ADAMTS20: variants seen among roughly 807,000 people sequenced by gnomAD.
ADAMTS20 encodes the protein A disintegrin and metalloproteinase with thrombospondin motifs 20.
A neutral mutation model predicts 260.1 loss-of-function variants in ADAMTS20; 225 were observed. The observed-to-expected ratio is 0.87, with a 90% CI of 0.78 to 0.97. The LOEUF is 0.97. Among genes scored for constraint, ADAMTS20 ranks in the 50% least tolerant of loss-of-function variants. The probability of loss-of-function intolerance (pLI) is 0.00; values close to 1 mark genes in which losing one functional copy is unlikely to be tolerated. For synonymous variants in ADAMTS20, 802 were observed against 769.5 expected, an observed-to-expected ratio of 1.04 and a Z score of -0.70; for missense variants, 2,400 against 2,337.7, an observed-to-expected ratio of 1.03 and a Z score of -0.55.
chr12:43,491,645 C>T (rs1042890860), intron 6 of ADAMTS20, among the ~76,000 whole-genome samples: 2 of 152,042 alleles, frequency 1.3e-5, no homozygotes, highest in African/African-American at 4.8e-5. Flanking sequence ...TTTATAACAG[C>T]AGAAGCTGTT....
intron 21 of ADAMTS20, 74 bp from the exon 22 acceptor site, chr12:43,431,570 C>A (rs1941444603): frequency 1.3e-6 from 2 of 1,497,894 alleles, no homozygotes; most frequent in African/African-American, 1.4e-5. Flanking sequence ...ATGCAATGAT[C>A]AATTTGCATA....
chr12:43,376,277 C>T lies in ADAMTS20; in HGVS notation c.5179G>A (p.Asp1727Asn). Reference sequence around the variant, plus strand: ...TTAATGTTAAGGTAATAGTCACCATCCTTTCTAATGTGGTTTTTCACTTGA... The same window carrying T: ...TTAATGTTAAGGTAATAGTCACCATTCTTTCTAATGTGGTTTTTCACTTGA... ...EIQVKNHIRK[D>N]GDYYLNIKGR... The change falls in exon 34 of 39, where the codon GAT becomes AAT. Residue 1727 changes from aspartate to asparagine, a missense_variant. Coordinates refer to ENST00000389420, the MANE Select transcript of ADAMTS20 (RefSeq NM_025003.5). 6.4e-7 allele frequency: 1 copy of T among 1,555,924 alleles called. No individual in the cohort carries two copies. The highest frequency in any genetic ancestry group is 8.7e-7 in the Non-Finnish European group (1 of 1,148,408).
intron 29 of ADAMTS20, among the ~76,000 whole-genome samples, chr12:43,396,204 C>T (rs552280615): frequency 3.3e-5 from 5 of 151,774 alleles, no homozygotes; most frequent in Middle Eastern, 3.4e-3. Flanking sequence ...TAAATCCTTT[C>T]GTTAAAAAAA....
intron 21 of ADAMTS20, 65 bp from the exon 22 acceptor site, chr12:43,431,561 T>C (rs1941444422): frequency 1.3e-6 from 2 of 1,551,822 alleles, no homozygotes; most frequent in African/African-American, 1.4e-5. Flanking sequence ...CTTAAACTGA[T>C]GCAATGATCA....
chr12:43,354,232 C>T lies in ADAMTS20; in HGVS notation c.5710G>A (p.Gly1904Ser). The change falls in exon 39 of 39, where the codon GGT becomes AGT. Residue 1904 changes from glycine to serine, a missense_variant. Coordinates refer to ENST00000389420, the MANE Select transcript of ADAMTS20 (RefSeq NM_025003.5). The part of the protein sequence containing the change: ...CGKCLPHMTT[G>S]LPIQVI ...GTTCATATGACTTGAATTGGGAGAC[C>T]AGTAGTCATGTGAGGAAGACACTTT... 3 of 1,591,326 alleles carry T rather than the reference C, an allele frequency of 1.9e-6. No individual in the cohort carries two copies. The highest frequency in any genetic ancestry group is 2.6e-6 in the Non-Finnish European group (3 of 1,167,358).
At chr12:43,433,435 A>T (rs1046705794) in intron 19 of ADAMTS20, among the ~76,000 whole-genome samples, 1 of 152,166 alleles carries the variant, frequency 6.6e-6, no homozygotes, top group African/African-American at 2.4e-5. Flanking sequence ...CCCTAATAGC[A>T]TCTCAAGAAT....
intron 28 of ADAMTS20, among the ~76,000 whole-genome samples, chr12:43,419,748 A>C (rs1162742581): frequency 6.6e-6 from 1 of 152,110 alleles, no homozygotes; most frequent in Non-Finnish European, 1.5e-5. Context: ...AAACACACAC[A>C]CACACACACA....
intron 15 of ADAMTS20, among the ~76,000 whole-genome samples, chr12:43,444,132 A>G (rs889189339): frequency 1.3e-4 from 20 of 152,234 alleles, no homozygotes; most frequent in African/African-American, 4.8e-4. Flanking sequence ...TCCTACTTCT[A>G]ATATTCTTAA....
chr12:43,547,863 T>C (rs1428965397), intron 2 of ADAMTS20, among the ~76,000 whole-genome samples: 1 of 152,074 alleles, frequency 6.6e-6, no homozygotes, highest in East Asian at 1.9e-4. Context: ...AGGCCATAAG[T>C]TCTCAGGCCC....
intron 19 of ADAMTS20, 62 bp downstream of exon 19, chr12:43,434,183 T>G: frequency 6.1e-6 from 9 of 1,482,764 alleles, no homozygotes; most frequent in Non-Finnish European, 8.2e-6. Context: ...GTCACTGTGT[T>G]AGACATTTTA....
intron 11 of ADAMTS20, among the ~76,000 whole-genome samples, chr12:43,459,064 G>A (rs1414819073): frequency 6.6e-6 from 1 of 152,166 alleles, no homozygotes; most frequent in East Asian, 1.9e-4. Flanking sequence ...CCCTCTTTGG[G>A]TCCCCTCCCT....
chr12:43,438,247 T>G lies in ADAMTS20; in HGVS notation c.2593+1375A>C, dbSNP rs543845000. ...TATTCTCTGTGTGTTCACTGCATTT[T>G]AAAATGTTCCTTCATTCTCCTGTTT... On this transcript the variant is annotated intron_variant, in intron 18 of 38. Coordinates refer to ENST00000389420, the MANE Select transcript of ADAMTS20 (RefSeq NM_025003.5). 9.8e-5 allele frequency among the ~76,000 whole-genome samples: 15 copies of G among 152,314 alleles called. No individual in the cohort carries two copies. In the South Asian group the frequency reaches 2.9e-3, roughly 29 times the overall value.
chr12:43,356,667 G>A, intron 37 of ADAMTS20, 79 bp from the exon 38 acceptor site: 1 of 969,998 alleles, frequency 1.0e-6, no homozygotes. Context: ...TCAATTGCAA[G>A]GGGCAACTGA....
chr12:43,436,176 C>A (rs1941551324), intron 18 of ADAMTS20, among the ~76,000 whole-genome samples: 1 of 152,110 alleles, frequency 6.6e-6, no homozygotes, highest in Admixed American at 6.6e-5. Flanking sequence ...GAATTGGAAC[C>A]TAAGCCTGCA....
intron 8 of ADAMTS20, among the ~76,000 whole-genome samples, chr12:43,467,817 C>T (rs1414898923): frequency 6.6e-6 from 1 of 152,086 alleles, no homozygotes; most frequent in Non-Finnish European, 1.5e-5. Flanking sequence ...AATTATTATT[C>T]CCCTTGAATG....
At chr12:43,536,325 G>T (rs1943294489) in intron 2 of ADAMTS20, among the ~76,000 whole-genome samples, 1 of 152,006 alleles carries the variant, frequency 6.6e-6, no homozygotes, top group Non-Finnish European at 1.5e-5. Flanking sequence ...TACCAATTTT[G>T]ATAAACTCTA....
At chr12:43,362,795 T>C (rs1251146024) in intron 37 of ADAMTS20, among the ~76,000 whole-genome samples, 1 of 149,884 alleles carries the variant, frequency 6.7e-6, no homozygotes, top group Non-Finnish European at 1.5e-5. Flanking sequence ...ACCTGCACAT[T>C]GTGCACATGT....
At chr12:43,413,592 A>G (rs1314770870) in intron 28 of ADAMTS20, among the ~76,000 whole-genome samples, 4 of 152,208 alleles carry the variant, frequency 2.6e-5, no homozygotes, top group Non-Finnish European at 5.9e-5. Context: ...GTCTCAAAAT[A>G]ATGTGACAAT....
chr12:43,402,305 A>G (rs2137256500), intron 28 of ADAMTS20, among the ~76,000 whole-genome samples: 1 of 152,168 alleles, frequency 6.6e-6, no homozygotes, highest in Admixed American at 6.5e-5. Flanking sequence ...TCCATGAAAT[A>G]TATTTATTGG....
Sources: allele counts gnomAD v4.1 joint callset (sites outside exome capture counted in the v4.1 genomes callset), GRCh38; gene constraint gnomAD v4.1.1; transcripts MANE v1.5; gene names NCBI Gene and HGNC (gene_info 2026-07-23, HGNC 2026-07-21).